The following TSPAN32 variants were observed in gnomAD, a reference collection of about 807,000 sequenced individuals.
TSPAN32 encodes tetraspanin 32.
In TSPAN32, 47 loss-of-function variants were observed where a neutral mutation model predicts 42.7. That is an observed-to-expected ratio of 1.10 (90% CI 0.87 to 1.40). The LOEUF (loss-of-function observed/expected upper bound fraction) is 1.40, where lower values mean the gene tolerates loss of function less well. Among genes scored for constraint, TSPAN32 ranks in the 40% most tolerant of loss-of-function variants. The pLI, the probability that TSPAN32 is intolerant of heterozygous loss-of-function variation, is 0.00. For missense variants in TSPAN32, 469 were observed against 424.1 expected (o/e 1.11, Z -0.93); for synonymous variants, 175 against 175.9 (o/e 0.99, Z 0.04).
At chr11:2,310,307 C>T (rs1390521823) in intron 4 of TSPAN32, among the ~76,000 whole-genome samples, 2 of 152,196 alleles carry the variant, frequency 1.3e-5, no homozygotes, top group South Asian at 2.1e-4. Flanking sequence ...CAGGACAGAA[C>T]GCAGCTGGGG....
Position 2,317,622 on chromosome 11 carries a change from G to T in TSPAN32, c.901+97G>T, listed in dbSNP as rs1026963415. On this transcript the variant is annotated intron_variant, in intron 9 of 9. Transcript: ENST00000182290. This position sits in a 1 kb window ranked among gnomAD's most constrained non-coding sequence, Gnocchi z 6.2. Reference sequence around the variant, plus strand: ...AGTGAAGGCCCAGCCAGAGAGCCAGGCTCCATTGGGAACAGATGCAAGGGT... The same window carrying T: ...AGTGAAGGCCCAGCCAGAGAGCCAGTCTCCATTGGGAACAGATGCAAGGGT... 1.9e-5 allele frequency: 29 copies of T among 1,495,262 alleles called. No individual in the cohort carries two copies. The African/African-American group carries it at 3.8e-4, about 19-fold the overall frequency. The allele number at this position is 1,495,262 out of a possible 1,614,324, so 92.6% of individuals were successfully genotyped here. A position where few individuals can be genotyped will look rare whatever the true frequency, so the allele number is the denominator to read the frequency against.
rs767241117 is a variant in TSPAN32, at chr11:2,302,231, G to C, written c.66+16G>C. On this transcript the variant is annotated intron_variant, in intron 1 of 9. Coordinates refer to ENST00000182290, the MANE Select transcript of TSPAN32 (RefSeq NM_139022.3). ...CTTTATCTTGGTAACAGGCAGGTCG[G>C]GCAGGAGTGGGTGGTGGGTGGGGGT... 1 of 1,395,140 alleles carries C rather than the reference G, an allele frequency of 7.2e-7. No homozygotes were observed. The highest frequency in any genetic ancestry group is 9.3e-7 in the Non-Finnish European group (1 of 1,070,652). 86.4% of individuals were successfully genotyped at this position (1,395,140 alleles called of 1,614,324 possible). A position where few individuals can be genotyped will look rare whatever the true frequency, so the allele number is the denominator to read the frequency against.
chr11:2,314,499 G>A lies in TSPAN32; in HGVS notation c.471G>A (p.Gly157=). 1 of 1,612,406 alleles carries A rather than the reference G, an allele frequency of 6.2e-7. No homozygotes were observed. The highest frequency in any genetic ancestry group is 8.5e-7 in the Non-Finnish European group (1 of 1,179,286). The change falls in exon 6 of 10, where the codon GGG becomes GGA. Residue 157 remains glycine, a synonymous_variant. Transcript: ENST00000182290. ...AAIQDVFLCC[G]KKSPFSRLGS... ...TGTTCCTGTAGTTTCTGTGCTGTGG[G>A]AAGAAGTCTCCTTTCAGCCGTCTGG...
chr11:2,302,314 C>T, intron 1 of TSPAN32, 99 bp downstream of exon 1: 3 of 1,223,680 alleles, frequency 2.5e-6, no homozygotes, highest in African/African-American at 1.5e-5. Context: ...CCCTGACACA[C>T]ACACCAGCCC....
In TSPAN32 at chr11:2,313,854, C is replaced by A; in HGVS notation, c.456+99C>A. ...GTGGCCAGTGAGAGGTCTGGCCAGGCACCGAGGGGGTTCCAGGACACAGGC... is the reference window on the plus strand; with the variant it reads ...GTGGCCAGTGAGAGGTCTGGCCAGGAACCGAGGGGGTTCCAGGACACAGGC... On this transcript the variant is annotated intron_variant, in intron 5 of 9. Transcript: ENST00000182290. This position sits in a 1 kb window ranked among gnomAD's most constrained non-coding sequence, Gnocchi z 9.1. The A allele has an allele frequency of 3.1e-6, 3 of 976,910 alleles. No homozygotes were observed. Among genetic ancestry groups the A allele is most frequent in the Non-Finnish European group, 4.6e-6 (3 of 654,056 alleles). The allele number at this position is 976,910 out of a possible 1,614,324, so 60.5% of individuals were successfully genotyped here. A position where few individuals can be genotyped will look rare whatever the true frequency, so the allele number is the denominator to read the frequency against.
At chr11:2,302,633 TA>T (rs1847823247) in intron 1 of TSPAN32, 2 of 587,866 alleles carry the variant, frequency 3.4e-6, no homozygotes, top group East Asian at 5.7e-5. Context: ...TGTATGCGTC[TA>T]CCATGTGGGG....
chr11:2,315,631 G>T, intron 6 of TSPAN32: 7 of 1,185,190 alleles, frequency 5.9e-6, no homozygotes, highest in Non-Finnish European at 7.5e-6. Context: ...AGGAGGGTGA[G>T]CCCTGAGACC....
Position 2,304,098 on chromosome 11 carries a change from C to T in TSPAN32, c.182-9C>T. On this transcript the variant is annotated splice_polypyrimidine_tract_variant and intron_variant, in intron 2 of 9. Transcript: ENST00000182290. The surrounding 1 kb of genome is among the most constrained non-coding windows in gnomAD (Gnocchi z 4.8). ...ACCCCTAACCCTCCTCCTCTCTCCT[C>T]CCAACCAGCCTTCTCTGCGGGGTTG... 6 of 1,571,672 alleles carry T rather than the reference C, an allele frequency of 3.8e-6. No individual in the cohort carries two copies. The highest frequency in any genetic ancestry group is 4.3e-6 in the Non-Finnish European group (5 of 1,158,176).
At chr11:2,309,491 C>T (rs1055496944) in intron 4 of TSPAN32, 25 of 402,090 alleles carry the variant, frequency 6.2e-5, no homozygotes, top group Admixed American at 5.1e-4. Flanking sequence ...GCCCCACCTT[C>T]CCCTTGAGAG....
chr11:2,306,044 C>CTGTGTGTGTGTGTGTG (rs1407139268), intron 3 of TSPAN32, among the ~76,000 whole-genome samples: 47 of 40,900 alleles, frequency 1.1e-3, no homozygotes, highest in African/African-American at 4.6e-3. Flanking sequence ...GTGCAGGTGC[C>CTGTGTGTGTGTGTGTG]TCTGTGTGTG....
Position 2,308,800 on chromosome 11 carries a change from GC to G in TSPAN32, c.348del (p.Thr117ProfsTer19). 6.4e-7 allele frequency: 1 copy of G among 1,567,572 alleles called. No homozygotes were observed. Among genetic ancestry groups the G allele is most frequent in the Non-Finnish European group, 8.7e-7 (1 of 1,155,802 alleles). ...QVQVVFWRLH[S>X]PTQVEDAMLD... ...CAGGTGGTGTTCTGGAGACTCCACAGCCCCACCCAGGTGAGCACCAGCTGCC... is the reference window on the plus strand; with the variant it reads ...CAGGTGGTGTTCTGGAGACTCCACAGCCCACCCAGGTGAGCACCAGCTGCC... On this transcript the variant is annotated frameshift_variant, in exon 4 of 10. Coordinates refer to ENST00000182290, the MANE Select transcript of TSPAN32 (RefSeq NM_139022.3). LOFTEE classifies it high-confidence loss of function.
rs865981364 is a variant in TSPAN32, at chr11:2,302,708, C to A, written c.67-136C>A. ...TCCTGAGACCACTCCACGGAAACACCGGGAATCCCTGCAGCTGAGCCTGTC... is the reference window on the plus strand; with the variant it reads ...TCCTGAGACCACTCCACGGAAACACAGGGAATCCCTGCAGCTGAGCCTGTC... On this transcript the variant is annotated intron_variant, in intron 1 of 9. Transcript: ENST00000182290. 5.0e-5 allele frequency: 35 copies of A among 706,678 alleles called. 1 individual carries two copies. In the South Asian group the frequency reaches 6.0e-4, roughly 12 times the overall value. The allele number at this position is 706,678 out of a possible 1,614,324, so 43.8% of individuals were successfully genotyped here. A position where few individuals can be genotyped will look rare whatever the true frequency, so the allele number is the denominator to read the frequency against.
chr11:2,312,358 C>T (rs960374415), intron 4 of TSPAN32, among the ~76,000 whole-genome samples: 7 of 152,234 alleles, frequency 4.6e-5, no homozygotes, highest in South Asian at 2.1e-4. Context: ...CACTCACAGA[C>T]GCTGAGGCTG....
At chr11:2,316,097 T>G (rs558775417) in intron 6 of TSPAN32, 132 bp from the exon 7 acceptor site, 2 of 1,528,048 alleles carry the variant, frequency 1.3e-6, no homozygotes, top group East Asian at 4.9e-5. Context: ...CCTAGGAATG[T>G]GCCGCACCCG....
rs1390458720 is a variant in TSPAN32, at chr11:2,304,190, G to A, written c.265G>A (p.Gly89Ser). ...SAAATVREAQ[G>S]LMAGGFLCFS... ...TGCAGCCACCGTGAGGGAGGCCCAG[G>A]GCCTCATGGCAGGGGTGAGTTCATT... Residue 89 changes from glycine (G) to serine (S), a missense_variant, in exon 3 of 10, where the codon GGC becomes AGC. Coordinates refer to ENST00000182290, the MANE Select transcript of TSPAN32 (RefSeq NM_139022.3). This position sits in a 1 kb window ranked among gnomAD's most constrained non-coding sequence, Gnocchi z 4.8. 5 of 1,577,936 alleles carry A rather than the reference G, an allele frequency of 3.2e-6. No homozygotes were observed. Among genetic ancestry groups the A allele is most frequent in the South Asian group, 2.3e-5 (2 of 86,404 alleles).
Position 2,313,844 on chromosome 11 carries a change from T to A in TSPAN32, c.456+89T>A. The A allele has an allele frequency of 9.1e-7, 1 of 1,093,520 alleles. No individual in the cohort carries two copies. The highest frequency in any genetic ancestry group is 1.3e-6 in the Non-Finnish European group (1 of 754,942). The allele number at this position is 1,093,520 out of a possible 1,614,324, so 67.7% of individuals were successfully genotyped here. On this transcript the variant is annotated intron_variant, in intron 5 of 9. Transcript: ENST00000182290. The surrounding 1 kb of genome is among the most constrained non-coding windows in gnomAD (Gnocchi z 9.1). ...CAGGCGCAGGGTGGCCAGTGAGAGG[T>A]CTGGCCAGGCACCGAGGGGGTTCCA...
chr11:2,302,093 A>G lies in TSPAN32; in HGVS notation c.-57A>G. 6.7e-7 allele frequency: 1 copy of G among 1,487,954 alleles called. No individual in the cohort carries two copies. The highest frequency in any genetic ancestry group is 8.9e-7 in the Non-Finnish European group (1 of 1,121,102). 92.2% of individuals were successfully genotyped at this position (1,487,954 alleles called of 1,614,324 possible). On this transcript the variant is annotated 5_prime_UTR_variant, in exon 1 of 10. Transcript: ENST00000182290. ...GAGCTGCGGTCTGAGGCCCCTGCCC[A>G]GCTGGAAACCACAGGGAGGGGAAGG...
chr11:2,314,998 C>G, intron 6 of TSPAN32: 1 of 250,294 alleles, frequency 4.0e-6, no homozygotes, highest in Non-Finnish European at 7.8e-6. Flanking sequence ...TCCTGGGGGG[C>G]ATCAGAAGGA....
rs953554807 is a variant in TSPAN32 at position 2,313,726 on chromosome 11, C to T, written c.427C>T (p.Arg143Trp). 1.5e-5 allele frequency: 24 copies of T among 1,605,724 alleles called. No homozygotes were observed. The highest frequency in any genetic ancestry group is 2.2e-5 in the East Asian group (1 of 44,636). The part of the protein sequence containing the change: ...QAMKGTSHVR[R>W]QELAAIQDVF... ...GATGAAAGGTACGTCCCACGTCCGG[C>T]GGCAGGAGCTGGCGGCCATCCAGGA... The change falls in exon 5 of 10, where the codon CGG becomes TGG. Residue 143 changes from arginine to tryptophan, a missense_variant. Arg to Trp is a moderately radical substitution (Grantham distance 101, BLOSUM62 -3). Transcript: ENST00000182290. The surrounding 1 kb of genome is among the most constrained non-coding windows in gnomAD (Gnocchi z 9.1).
Sources: gnomAD v4.1 joint callset for allele counts (sites outside exome capture counted in the v4.1 genomes callset) on GRCh38, gnomAD v4.1.1 for gene constraint, Gnocchi (gnomAD v3.1) non-coding constraint, MANE v1.5 for transcripts, NCBI Gene and HGNC (gene_info 2026-07-23, HGNC 2026-07-21) for gene names.